The following FAR1 variants were observed in gnomAD, a reference collection of about 807,000 sequenced individuals.
The protein encoded by FAR1 is male sterility domain-containing protein 2.
Under a neutral mutation model 61.1 loss-of-function variants are expected in FAR1, and 22 were observed. The observed-to-expected ratio is 0.36, with a 90% CI of 0.26 to 0.51. The LOEUF is 0.51. Ranked by LOEUF, FAR1 falls within the 20% of genes least tolerant of loss-of-function variation. The probability of loss-of-function intolerance (pLI) is 0.95; values close to 1 mark genes in which losing one functional copy is unlikely to be tolerated. For missense variants in FAR1, 359 were observed against 626.9 expected (o/e 0.57, Z 4.56); for synonymous variants, 206 against 209.7 (o/e 0.98, Z 0.15).
intron 1 of FAR1, 58 bp from the exon 2 acceptor site, chr11:13,694,701 G>C (rs1848289430): frequency 7.3e-7 from 1 of 1,376,286 alleles, no homozygotes; most frequent in East Asian, 2.4e-5. Context: ...GAGATTTTTA[G>C]TATGAAAGAA....
At chr11:13,716,150 GCTTT>G (rs1848553222) in intron 9 of FAR1, among the ~76,000 whole-genome samples, 1 of 152,056 alleles carries the variant, frequency 6.6e-6, no homozygotes, top group African/African-American at 2.4e-5. Context: ...GGCAGTGCAT[GCTTT>G]CTTTATATTA....
chr11:13,731,010 G>C lies in FAR1; in HGVS notation c.*2236G>C, dbSNP rs529776911. 5.2e-4 allele frequency: 79 copies of C among 152,244 alleles called. No individual in the cohort carries two copies. Among genetic ancestry groups the C allele is most frequent in the African/African-American group, 1.8e-3 (74 of 41,556 alleles). The allele number at this position is 152,244 out of a possible 1,614,324, so 9.4% of individuals were successfully genotyped here. A position where few individuals can be genotyped will look rare whatever the true frequency, so the allele number is the denominator to read the frequency against. On this transcript the variant is annotated 3_prime_UTR_variant, in exon 12 of 12. Transcript: ENST00000354817. ...TTTACTAGACGTGATTTTTAGTTCTGTTTGATTATATTTCCTACACAAACT... is the reference window on the plus strand; with the variant it reads ...TTTACTAGACGTGATTTTTAGTTCTCTTTGATTATATTTCCTACACAAACT...
chr11:13,704,285 T>A (rs113245516), intron 3 of FAR1, among the ~76,000 whole-genome samples: 5 of 152,092 alleles, frequency 3.3e-5, no homozygotes, highest in African/African-American at 1.2e-4. Context: ...ATGGTGTGGT[T>A]TGCGGAAAAT....
chr11:13,694,230 G>T (rs1827444366), intron 1 of FAR1, among the ~76,000 whole-genome samples: 1 of 152,090 alleles, frequency 6.6e-6, no homozygotes, highest in African/African-American at 2.4e-5. Flanking sequence ...GCACCTTTTG[G>T]ATATACTGTC....
At chr11:13,678,710 A>G (rs1848093699) in intron 1 of FAR1, among the ~76,000 whole-genome samples, 1 of 148,414 alleles carries the variant, frequency 6.7e-6, no homozygotes, top group Admixed American at 6.8e-5. Flanking sequence ...GGGCTTAGAT[A>G]GAATTTAGTG....
intron 1 of FAR1, among the ~76,000 whole-genome samples, chr11:13,693,742 ATTCTACC>A (rs1848279388): frequency 6.6e-6 from 1 of 151,998 alleles, no homozygotes. Context: ...TGGTATGGCT[ATTCTACC>A]AATTCAGTCT....
At chr11:13,708,470 CACACACAT>C (rs1222078839) in intron 4 of FAR1, among the ~76,000 whole-genome samples, 15 of 147,298 alleles carry the variant, frequency 1.0e-4, no homozygotes, top group East Asian at 5.8e-4. Context: ...CACACACACA[CACACACAT>C]ACATTTATCT....
At chr11:13,722,850 C>T (rs913405833) in intron 10 of FAR1, among the ~76,000 whole-genome samples, 2 of 141,784 alleles carry the variant, frequency 1.4e-5, no homozygotes, top group African/African-American at 5.1e-5. Context: ...CTCCCTCTCT[C>T]TCTCTCTCTA....
Position 13,714,642 on chromosome 11 carries a change from G to T in FAR1, c.1089G>T (p.Leu363=), listed in dbSNP as rs531864774. ...IAVSHKAPAF[L]YDIYLRMTGR... is the part of the protein sequence containing the mutation. Reference sequence around the variant, plus strand: ...TAAGCCATAAGGCCCCAGCATTCCTGTATGATATCTACCTCAGGATGACTG... The same window carrying T: ...TAAGCCATAAGGCCCCAGCATTCCTTTATGATATCTACCTCAGGATGACTG... The change falls in exon 9 of 12, where the codon CTG becomes CTT. Residue 363 remains leucine, a synonymous_variant. Transcript: ENST00000354817. The T allele has an allele frequency of 3.3e-5, 54 of 1,613,026 alleles. No homozygotes were observed. In the East Asian group the frequency reaches 1.1e-3, roughly 32 times the overall value.
chr11:13,690,359 A>G (rs936906661), intron 1 of FAR1, among the ~76,000 whole-genome samples: 2 of 151,810 alleles, frequency 1.3e-5, no homozygotes, highest in Admixed American at 1.3e-4. Flanking sequence ...TTTTCTCTTT[A>G]TTGTTAATGT....
At chr11:13,675,671 C>A (rs1848060096) in intron 1 of FAR1, among the ~76,000 whole-genome samples, 1 of 152,122 alleles carries the variant, frequency 6.6e-6, no homozygotes, top group Non-Finnish European at 1.5e-5. Flanking sequence ...ATTAATGGAT[C>A]CATTCTTGTT....
intron 1 of FAR1, among the ~76,000 whole-genome samples, chr11:13,673,264 T>G (rs527324107): frequency 1.3e-5 from 2 of 152,358 alleles, no homozygotes; most frequent in African/African-American, 4.8e-5. Flanking sequence ...GCTTTTAGTT[T>G]AATTTCACTT....
intron 1 of FAR1, among the ~76,000 whole-genome samples, chr11:13,690,168 C>T (rs563098984): frequency 2.0e-5 from 3 of 152,114 alleles, no homozygotes; most frequent in East Asian, 1.9e-4. Context: ...TGAACCACCG[C>T]GCCTGGCCCA....
intron 9 of FAR1, among the ~76,000 whole-genome samples, chr11:13,716,513 G>A (rs1200277085): frequency 1.3e-5 from 2 of 152,084 alleles, no homozygotes; most frequent in Non-Finnish European, 2.9e-5. Context: ...AACAGCAAGG[G>A]GACTGATGTT....
At chr11:13,682,172 T>A (rs1161408419) in intron 1 of FAR1, among the ~76,000 whole-genome samples, 1 of 152,234 alleles carries the variant, frequency 6.6e-6, no homozygotes. Context: ...ATGTGTTGTT[T>A]TGTTCATGAA....
At chr11:13,704,134 A>G in intron 3 of FAR1, among the ~76,000 whole-genome samples, 1 of 151,868 alleles carries the variant, frequency 6.6e-6, no homozygotes, top group East Asian at 1.9e-4. Flanking sequence ...GCATAAGGGA[A>G]GGTACTAGCT....
At chr11:13,718,056 T>A (rs1013506197) in intron 9 of FAR1, among the ~76,000 whole-genome samples, 1 of 152,226 alleles carries the variant, frequency 6.6e-6, no homozygotes, top group Non-Finnish European at 1.5e-5. Context: ...GTGAGGTTCC[T>A]ATGGGACAGC....
At chr11:13,712,312 C>A (rs556686585) in intron 7 of FAR1, among the ~76,000 whole-genome samples, 2 of 151,746 alleles carry the variant, frequency 1.3e-5, no homozygotes, top group East Asian at 3.9e-4. Context: ...AAATACCCTC[C>A]CCTAAGCATG....
chr11:13,699,335 G>A (rs1848343831), intron 2 of FAR1, among the ~76,000 whole-genome samples: 1 of 152,172 alleles, frequency 6.6e-6, no homozygotes, highest in South Asian at 2.1e-4. Flanking sequence ...GAAATACTCA[G>A]TAAGTTTTTA....
Sources: gnomAD v4.1 joint callset for allele counts (sites outside exome capture counted in the v4.1 genomes callset) on GRCh38, gnomAD v4.1.1 for gene constraint, MANE v1.5 for transcripts, NCBI Gene and HGNC (gene_info 2026-07-23, HGNC 2026-07-21) for gene names.